The following RRH variants were observed in gnomAD, a reference collection of about 807,000 sequenced individuals.
RRH encodes retinal pigment epithelium-derived rhodopsin homolog, also known as visual pigment-like receptor peropsin.
In RRH, 36 loss-of-function variants were observed where a neutral mutation model predicts 33.1. That is an observed-to-expected ratio of 1.09 (90% CI 0.83 to 1.44). The LOEUF is 1.44. Among genes scored for constraint, RRH ranks in the 40% most tolerant of loss-of-function variants. The pLI is 0.00. For synonymous variants in RRH, 124 were observed against 140.2 expected (o/e 0.88, Z 0.82); for missense variants, 393 against 420.2 (o/e 0.94, Z 0.57).
intron 1 of RRH, among the ~76,000 whole-genome samples, chr4:109,828,986 T>A (rs1733693273): frequency 6.6e-6 from 1 of 152,200 alleles, no homozygotes; most frequent in Non-Finnish European, 1.5e-5. Flanking sequence ...ACTTTTTATC[T>A]TTTTAATGTA....
chr4:109,828,504 A>G (rs551792114), intron 1 of RRH, among the ~76,000 whole-genome samples: 3 of 152,132 alleles, frequency 2.0e-5, no homozygotes, highest in South Asian at 2.1e-4. Context: ...TTTTTATTGG[A>G]GAAGAGTATG....
In RRH at chr4:109,843,239, GTC is replaced by G. The variant is rs1181527752; in HGVS notation, c.899+600_899+601del. On this transcript the variant is annotated intron_variant, in intron 6 of 6. Transcript: ENST00000317735. ...GCCTCCTCAGTGAAGTTTAGACGGA[GTC>G]TCTCTCTGTCACCCAGGCTGGAGTG... 5.9e-5 allele frequency among the ~76,000 whole-genome samples: 9 copies of G among 152,324 alleles called. No homozygotes were observed. The South Asian group carries it at 1.7e-3, about 28-fold the overall frequency.
intron 1 of RRH, among the ~76,000 whole-genome samples, chr4:109,830,888 A>C (rs979827663): frequency 7.2e-5 from 11 of 152,208 alleles, no homozygotes; most frequent in African/African-American, 2.7e-4. Context: ...GAAGACAAGA[A>C]GGAAAATGTT....
intron 4 of RRH, 36 bp downstream of exon 4, chr4:109,836,196 T>A: frequency 6.2e-7 from 1 of 1,605,100 alleles, no homozygotes; most frequent in Non-Finnish European, 8.5e-7. Flanking sequence ...ATCAAATGCT[T>A]CTAATGTAGA....
intron 5 of RRH, among the ~76,000 whole-genome samples, chr4:109,839,599 C>T (rs2125894027): frequency 6.6e-6 from 1 of 152,190 alleles, no homozygotes; most frequent in East Asian, 1.9e-4. Context: ...CTTCCTGATC[C>T]TCTCCCTCCT....
rs536934009 is a variant in RRH, at chr4:109,830,389, A to G, written c.106+2256A>G. 3.3e-4 allele frequency among the ~76,000 whole-genome samples: 51 copies of G among 152,288 alleles called. No individual in the cohort carries two copies. The South Asian group carries it at 0.01, about 31-fold the overall frequency. The stretch of plus-strand genomic sequence containing the variant: ...GCTATAGTGGTAGCTAAGGGACCAC[A>G]TAGGAGGCCATTGCAGTGATTCTGA... On this transcript the variant is annotated intron_variant, in intron 1 of 6. Transcript: ENST00000317735.
chr4:109,832,168 C>T (rs1373822698), intron 1 of RRH, among the ~76,000 whole-genome samples: 1 of 146,774 alleles, frequency 6.8e-6, no homozygotes, highest in African/African-American at 2.5e-5. Flanking sequence ...CACCCCACCC[C>T]CTCACACCCC....
At chr4:109,833,027 G>T in intron 1 of RRH, 112 bp from the exon 2 acceptor site, 1 of 846,724 alleles carries the variant, frequency 1.2e-6, no homozygotes, top group Non-Finnish European at 2.0e-6. Context: ...TCAAATAAAT[G>T]AACTAAAATA....
chr4:109,830,104 C>T (rs1733718498), intron 1 of RRH, among the ~76,000 whole-genome samples: 1 of 152,100 alleles, frequency 6.6e-6, no homozygotes, highest in Admixed American at 6.6e-5. Context: ...TTACAACTTC[C>T]AGTGCAACAG....
intron 5 of RRH, among the ~76,000 whole-genome samples, chr4:109,841,849 G>A (rs1179412514): frequency 6.6e-6 from 1 of 152,030 alleles, no homozygotes; most frequent in African/African-American, 2.4e-5. Flanking sequence ...ATCTAGGGAA[G>A]CAATATAAAA....
chr4:109,838,507 CTT>C (rs35832755), intron 5 of RRH, among the ~76,000 whole-genome samples: 2 of 150,098 alleles, frequency 1.3e-5, no homozygotes, highest in Non-Finnish European at 1.5e-5. Flanking sequence ...GCTTGTCTTC[CTT>C]TTTTTTTTTC....
At chr4:109,828,669 G>T (rs1017502791) in intron 1 of RRH, among the ~76,000 whole-genome samples, 1 of 152,098 alleles carries the variant, frequency 6.6e-6, no homozygotes, top group African/African-American at 2.4e-5. Flanking sequence ...ATTGAGGACA[G>T]AGTCTGAAAA....
chr4:109,842,680 A>G, intron 6 of RRH, 33 bp downstream of exon 6: 1 of 1,546,862 alleles, frequency 6.5e-7, no homozygotes, highest in Non-Finnish European at 8.9e-7. Flanking sequence ...GCAGTACAAA[A>G]TAAAACTGAT....
Position 109,844,808 on chromosome 4 carries a change from T to C in RRH, c.*611T>C, listed in dbSNP as rs534729713. 1.3e-5 allele frequency among the ~76,000 whole-genome samples: 2 copies of C among 152,306 alleles called. No individual in the cohort carries two copies. The highest frequency in any genetic ancestry group is 4.2e-4 in the South Asian group (2 of 4,818). ...ACCATTTTTCTGCATATATATTCCA[T>C]ATATTTGCCAACAGAGTTAACTTCA... On this transcript the variant is annotated 3_prime_UTR_variant, in exon 7 of 7. Transcript: ENST00000317735.
intron 1 of RRH, among the ~76,000 whole-genome samples, chr4:109,829,592 C>T (rs901690318): frequency 6.6e-6 from 1 of 152,226 alleles, no homozygotes; most frequent in Non-Finnish European, 1.5e-5. Context: ...ATACCAAGCA[C>T]TGTTCTAAAA....
intron 3 of RRH, among the ~76,000 whole-genome samples, chr4:109,835,787 CT>C (rs60760122): frequency 0.21 from 31,498 of 148,306 alleles, 3,982 homozygotes; most frequent in East Asian, 0.43. Context: ...GCTTAAATGT[CT>C]TTTTTTTTTT....
intron 6 of RRH, 40 bp from the exon 7 acceptor site, chr4:109,844,043 C>G: frequency 7.6e-7 from 1 of 1,307,590 alleles, no homozygotes; most frequent in East Asian, 2.3e-5. Context: ...AGTTCCAAAT[C>G]ATTATGGGTT....
At chr4:109,833,433 AATAG>A (rs2125892621) in intron 2 of RRH, 104 bp downstream of exon 2, 1 of 892,018 alleles carries the variant, frequency 1.1e-6, no homozygotes, top group East Asian at 2.6e-5. Flanking sequence ...ATTGTAGAAT[AATAG>A]ATACAGTGCT....
intron 5 of RRH, among the ~76,000 whole-genome samples, chr4:109,841,745 T>A (rs1024183954): frequency 9.8e-5 from 15 of 152,306 alleles, no homozygotes; most frequent in African/African-American, 3.6e-4. Context: ...AATGGCCATT[T>A]TTTCCATTAA....
Sources: gnomAD v4.1 joint callset for allele counts (sites outside exome capture counted in the v4.1 genomes callset) on GRCh38, gnomAD v4.1.1 for gene constraint, MANE v1.5 for transcripts, NCBI Gene and HGNC (gene_info 2026-07-23, HGNC 2026-07-21) for gene names.